Variants in SHC3 observed in about 807,000 individuals in gnomAD.
The protein encoded by SHC3 is SHC-transforming protein 3.
A neutral mutation model predicts 60.4 loss-of-function variants in SHC3; 15 were observed. That is an observed-to-expected ratio of 0.25 (90% CI 0.17 to 0.38). The LOEUF (loss-of-function observed/expected upper bound fraction) is 0.38. Among genes scored for constraint, SHC3 ranks in the 10% least tolerant of loss-of-function variants. The pLI is 1.00. For synonymous variants in SHC3, 294 were observed against 325.9 expected (o/e 0.90, Z 1.05); for missense variants, 677 against 786.1 (o/e 0.86, Z 1.66).
intron 1 of SHC3, among the ~76,000 whole-genome samples, chr9:89,170,271 T>C (rs1158497790): frequency 6.6e-6 from 1 of 152,206 alleles, no homozygotes; most frequent in Non-Finnish European, 1.5e-5. Flanking sequence ...GCCTGAAGCA[T>C]AGCTCATGCA....
At position 89,019,108 on chromosome 9, in the gene SHC3, A is replaced by C. The variant is rs559037973; in HGVS notation, c.1657-5533T>G. The stretch of plus-strand genomic sequence containing the variant: ...TCTACAAAAAAACCCTACAGCTAAC[A>C]TTATATCTGATACTGAGGAACTCAA... On this transcript the variant is annotated intron_variant, in intron 11 of 11. Coordinates refer to ENST00000375835, the MANE Select transcript of SHC3 (RefSeq NM_016848.6). 8.5e-5 allele frequency among the ~76,000 whole-genome samples: 13 copies of C among 152,106 alleles called. No individual in the cohort carries two copies. In the South Asian group the frequency reaches 2.5e-3, roughly 29 times the overall value.
At chr9:89,065,787 G>C (rs1452456575) in intron 5 of SHC3, among the ~76,000 whole-genome samples, 4 of 152,080 alleles carry the variant, frequency 2.6e-5, no homozygotes, top group African/African-American at 9.7e-5. Flanking sequence ...TGCAGACTTT[G>C]ACTCAGCAGG....
chr9:89,104,829 G>C (rs1000123688), intron 2 of SHC3, among the ~76,000 whole-genome samples: 2 of 147,202 alleles, frequency 1.4e-5, no homozygotes, highest in African/African-American at 5.0e-5. Context: ...AGGGCCTTAT[G>C]TTTTCTATAA....
chr9:89,044,872 C>G (rs79495082), intron 9 of SHC3, among the ~76,000 whole-genome samples: 2,927 of 152,222 alleles, frequency 0.019, 91 homozygotes, highest in African/African-American at 0.066. Flanking sequence ...TTGTAAGATG[C>G]AGAAGTGTTC....
chr9:89,147,101 C>T (rs75090813), intron 1 of SHC3, among the ~76,000 whole-genome samples: 2 of 151,804 alleles, frequency 1.3e-5, no homozygotes, highest in African/African-American at 2.4e-5. Context: ...AATATAATAT[C>T]GCATAGAAAT....
In SHC3 at chr9:89,147,036, G is replaced by C. The variant is rs141887480; in HGVS notation, c.474+30951C>G. Among the ~76,000 whole-genome samples the C allele has an allele frequency of 4.5e-4, 68 of 152,198 alleles. No individual in the cohort carries two copies. In the East Asian group the frequency reaches 0.012, roughly 27 times the overall value. On this transcript the variant is annotated intron_variant, in intron 1 of 11. Transcript: ENST00000375835. ...TTCATAATAGCCTCAAACTGGAAAA[G>C]AAGCAAATATCCATCAACAGCGTAA...
At chr9:89,095,744 C>A (rs1469031818) in intron 2 of SHC3, among the ~76,000 whole-genome samples, 1 of 152,172 alleles carries the variant, frequency 6.6e-6, no homozygotes, top group East Asian at 1.9e-4. Context: ...ACCCCCACCT[C>A]CAGGGCAGGG....
At position 89,013,237 on chromosome 9, in the gene SHC3, C is replaced by T; in HGVS notation, c.*210G>A. On this transcript the variant is annotated 3_prime_UTR_variant, in exon 12 of 12. Coordinates refer to ENST00000375835, the MANE Select transcript of SHC3 (RefSeq NM_016848.6). The stretch of plus-strand genomic sequence containing the variant: ...TATAAATATAGAGGGATAATTTGTA[C>T]AGGATGTATAGGTATGTACACCTTT... 5.3e-6 allele frequency: 2 copies of T among 377,778 alleles called. No homozygotes were observed. Among genetic ancestry groups the T allele is most frequent in the Non-Finnish European group, 9.2e-6 (2 of 217,008 alleles). The allele number at this position is 377,778 out of a possible 1,614,324, so 23.4% of individuals were successfully genotyped here. A position where few individuals can be genotyped will look rare whatever the true frequency, so the allele number is the denominator to read the frequency against.
At chr9:89,129,544 C>A (rs1826212784) in intron 1 of SHC3, among the ~76,000 whole-genome samples, 2 of 152,192 alleles carry the variant, frequency 1.3e-5, no homozygotes, top group Non-Finnish European at 2.9e-5. Flanking sequence ...GCCCATCAGA[C>A]TAACAGCAGA....
intron 1 of SHC3, among the ~76,000 whole-genome samples, chr9:89,119,837 T>C (rs1401803570): frequency 6.6e-6 from 1 of 152,050 alleles, no homozygotes; most frequent in African/African-American, 2.4e-5. Context: ...CTGAAGAAGA[T>C]AAAAAGGAAC....
chr9:89,154,215 T>TA (rs557428545), intron 1 of SHC3, among the ~76,000 whole-genome samples: 4 of 152,292 alleles, frequency 2.6e-5, no homozygotes, highest in Middle Eastern at 3.4e-3. Context: ...CTTTTTTTTT[T>TA]TAGCTCATCA....
intron 1 of SHC3, among the ~76,000 whole-genome samples, chr9:89,136,008 T>C (rs545718498): frequency 6.6e-6 from 1 of 152,186 alleles, no homozygotes; most frequent in Admixed American, 6.6e-5. Flanking sequence ...TGAACACTTA[T>C]TAATCTTCCA....
chr9:89,045,741 C>T lies in SHC3; in HGVS notation c.1201+5G>A, dbSNP rs758057013. ...GTTTCTCACCCATCTCACCTTGCCT[C>T]TCACCTTGCCTTAAAGGTGTTTGCT... is the stretch of plus-strand genomic sequence containing the variant. On this transcript the variant is annotated splice_donor_5th_base_variant and intron_variant, in intron 9 of 11. Transcript: ENST00000375835. The T allele has an allele frequency of 6.2e-7, 1 of 1,613,818 alleles. No homozygotes were observed. The highest frequency in any genetic ancestry group is 1.7e-5 in the Admixed American group (1 of 60,022).
chr9:89,152,984 A>G lies in SHC3; in HGVS notation c.474+25003T>C, dbSNP rs541715632. On this transcript the variant is annotated intron_variant, in intron 1 of 11. Coordinates refer to ENST00000375835, the MANE Select transcript of SHC3 (RefSeq NM_016848.6). ...AGAAGAGTGGATACCCCTGGGAGGT[A>G]TCAAATACAAAAGAACTCAGGGGGT... Among the ~76,000 whole-genome samples, 9 of 152,250 alleles carry G rather than the reference A, an allele frequency of 5.9e-5. No homozygotes were observed. In the South Asian group the frequency reaches 1.7e-3, roughly 28 times the overall value.
intron 6 of SHC3, among the ~76,000 whole-genome samples, chr9:89,062,119 T>G (rs1258653423): frequency 6.6e-6 from 1 of 152,204 alleles, no homozygotes; most frequent in Non-Finnish European, 1.5e-5. Flanking sequence ...CATCATTTGG[T>G]AGCTACTTTT....
At chr9:89,160,048 T>C (rs1405307839) in intron 1 of SHC3, among the ~76,000 whole-genome samples, 2 of 152,256 alleles carry the variant, frequency 1.3e-5, no homozygotes, top group African/African-American at 2.4e-5. Flanking sequence ...ATCCCGGCCA[T>C]GGGAGGACTT....
intron 4 of SHC3, among the ~76,000 whole-genome samples, chr9:89,073,291 T>C (rs577816929): frequency 6.6e-6 from 1 of 152,232 alleles, no homozygotes; most frequent in African/African-American, 2.4e-5. Flanking sequence ...TATTGTGTGA[T>C]TGTATGTTAT....
chr9:89,047,018 G>T, intron 7 of SHC3, 24 bp from the exon 8 acceptor site: 1 of 1,520,290 alleles, frequency 6.6e-7, no homozygotes, highest in Non-Finnish European at 8.8e-7. Flanking sequence ...ATTTCCAAGG[G>T]CTTTAGCCAA....
rs1825151118 is a variant in SHC3, at chr9:89,064,805, A to G, written c.835+724T>C. ...AAAATGTTAAAAAGAGAGGGTATGTATACGGATAAGCATTATGCAAAGCAA... is the reference window on the plus strand; with the variant it reads ...AAAATGTTAAAAAGAGAGGGTATGTGTACGGATAAGCATTATGCAAAGCAA... On this transcript the variant is annotated intron_variant, in intron 6 of 11. Transcript: ENST00000375835. 1.3e-5 allele frequency among the ~76,000 whole-genome samples: 2 copies of G among 152,226 alleles called. 1 individual carries two copies. The highest frequency in any genetic ancestry group is 4.8e-5 in the African/African-American group (2 of 41,450).
Sources: gnomAD v4.1 joint callset for allele counts (sites outside exome capture counted in the v4.1 genomes callset) on GRCh38, gnomAD v4.1.1 for gene constraint, MANE v1.5 for transcripts, NCBI Gene and HGNC (gene_info 2026-07-23, HGNC 2026-07-21) for gene names.